VPS28: variants seen among roughly 807,000 people sequenced by gnomAD.
The protein encoded by VPS28 is vacuolar protein sorting-associated protein 28 homolog.
A neutral mutation model predicts 33.7 loss-of-function variants in VPS28; 29 were observed. The ratio of observed to expected loss-of-function variants is 0.86; its 90% CI spans 0.64 to 1.17. VPS28 has a LOEUF of 1.17. Among genes scored for constraint, VPS28 ranks in the 50% most tolerant of loss-of-function variants. VPS28 has a pLI of 0.00. For missense variants in VPS28, 247 were observed against 312.2 expected (o/e 0.79, Z 1.57); for synonymous variants, 164 against 116.7 (o/e 1.40, Z -2.61).
chr8:144,424,841 C>T (rs782678361), intron 6 of VPS28, 22 bp from the exon 7 acceptor site: 28 of 1,613,486 alleles, frequency 1.7e-5, no homozygotes, highest in Non-Finnish European at 2.3e-5. Flanking sequence ...GACATGGGTG[C>T]TGGGGCTCTC....
intron 2 of VPS28, chr8:144,426,568 A>G (rs1822764679): frequency 6.9e-6 from 3 of 432,472 alleles, no homozygotes; most frequent in African/African-American, 4.1e-5. Context: ...AGTCACCTGC[A>G]CAACAGTGGC....
chr8:144,424,527 G>A (rs571622711), intron 7 of VPS28, 191 bp downstream of exon 7: 14 of 799,638 alleles, frequency 1.8e-5, no homozygotes, highest in South Asian at 1.1e-4. Flanking sequence ...TCATCCCCCC[G>A]ACAGGAGTCC....
intron 2 of VPS28, 174 bp from the exon 3 acceptor site, chr8:144,426,382 G>GA (rs1248428992): frequency 2.4e-6 from 2 of 820,248 alleles, no homozygotes; most frequent in Non-Finnish European, 3.6e-6. Flanking sequence ...TGTGTGGGGG[G>GA]ACCTGATGAT....
chr8:144,424,924 G>A (rs782177075), intron 6 of VPS28, 22 bp downstream of exon 6: 21 of 1,601,572 alleles, frequency 1.3e-5, no homozygotes, highest in Middle Eastern at 1.7e-4. Flanking sequence ...GCCCCATGGG[G>A]GTGGAAGGAC....
intron 9 of VPS28, 43 bp downstream of exon 9, chr8:144,423,998 C>T: frequency 1.2e-6 from 2 of 1,607,348 alleles, no homozygotes; most frequent in Non-Finnish European, 1.7e-6. Context: ...CTGGGAGGGT[C>T]TCGGGCACTG....
chr8:144,424,693 A>C (rs782366270), intron 7 of VPS28, 25 bp downstream of exon 7: 22 of 1,606,854 alleles, frequency 1.4e-5, no homozygotes, highest in Non-Finnish European at 1.9e-5. Flanking sequence ...TCTCCTAACC[A>C]CGTGCCCTGG....
chr8:144,426,706 T>C (rs1822776156), intron 2 of VPS28: 2 of 587,262 alleles, frequency 3.4e-6, no homozygotes, highest in African/African-American at 1.9e-5. Flanking sequence ...TCATCATCTC[T>C]GCCCAGCAGG....
chr8:144,427,877 A>G (rs1462420313), intron 1 of VPS28, among the ~76,000 whole-genome samples: 6 of 152,112 alleles, frequency 3.9e-5, no homozygotes, highest in Non-Finnish European at 5.9e-5. Flanking sequence ...TTTTGGCCCA[A>G]TGGGCCGGGC....
At chr8:144,425,171 G>T in intron 5 of VPS28, 120 bp from the exon 6 acceptor site, 1 of 847,256 alleles carries the variant, frequency 1.2e-6, no homozygotes, top group Non-Finnish European at 1.9e-6. Context: ...GGCAAAGGCA[G>T]GCCGAGCAAG....
At position 144,423,982 on chromosome 8, in the gene VPS28, G is replaced by A. The variant is rs149889412; in HGVS notation, c.548+59C>T. On this transcript the variant is annotated intron_variant, in intron 9 of 9. Transcript: ENST00000292510. The stretch of plus-strand genomic sequence containing the variant: ...GGCCTCAGGGGCACTGCGGGGCTCC[G>A]CCTGGCTGGGAGGGTCTCGGGCACT... 467 of 1,609,584 alleles carry A rather than the reference G, an allele frequency of 2.9e-4. 1 individual carries two copies. The African/African-American group carries it at 3.2e-3, about 11-fold the overall frequency.
Position 144,425,712 on chromosome 8 carries a change from G to A in VPS28, c.165C>T (p.Ala55=), listed in dbSNP as rs1279299469. 3.7e-6 allele frequency: 6 copies of A among 1,613,802 alleles called. No homozygotes were observed. In the East Asian group the frequency reaches 8.9e-5, roughly 24 times the overall value. ...VVKTMQALEK[A]YIKDCVSPSE... ...TGGGGGAGACACAGTCCTTGATGTA[G>A]GCCTTCTCCAGGGCTTGCATTGTCT... The change falls in exon 5 of 10, where the codon GCC becomes GCT. Residue 55 remains alanine (A), a synonymous_variant. Transcript: ENST00000292510.
intron 2 of VPS28, 113 bp from the exon 3 acceptor site, chr8:144,426,321 A>C: frequency 1.4e-6 from 2 of 1,381,378 alleles, no homozygotes; most frequent in Non-Finnish European, 1.9e-6. Context: ...CTGGGTCCCA[A>C]AGAGCCCAGA....
intron 4 of VPS28, 77 bp from the exon 5 acceptor site, chr8:144,425,849 G>T: frequency 6.3e-7 from 1 of 1,597,254 alleles, no homozygotes. Flanking sequence ...CCTGCCCGGA[G>T]GTGCCACTGC....
intron 1 of VPS28, among the ~76,000 whole-genome samples, chr8:144,427,575 G>C (rs1554877158): frequency 6.6e-6 from 1 of 152,168 alleles, no homozygotes; most frequent in African/African-American, 2.4e-5. Flanking sequence ...TTGGGGCACA[G>C]GAAACAACAC....
chr8:144,428,095 G>A (rs1299163247), intron 1 of VPS28, among the ~76,000 whole-genome samples: 2 of 152,082 alleles, frequency 1.3e-5, no homozygotes, highest in African/African-American at 2.4e-5. Context: ...AGCCGGGAAA[G>A]GGCGTCGCCG....
intron 9 of VPS28, 32 bp downstream of exon 9, chr8:144,424,009 C>A (rs782137386): frequency 6.2e-7 from 1 of 1,602,302 alleles, no homozygotes; most frequent in Non-Finnish European, 8.5e-7. Flanking sequence ...TCGGGCACTG[C>A]GGGGCTCTGC....
intron 1 of VPS28, among the ~76,000 whole-genome samples, chr8:144,428,105 G>A (rs533459519): frequency 6.6e-6 from 1 of 152,190 alleles, no homozygotes; most frequent in African/African-American, 2.4e-5. Context: ...GGGCGTCGCC[G>A]CTCATGTAGG....
At chr8:144,425,807 G>A in intron 4 of VPS28, 35 bp from the exon 5 acceptor site, 1 of 1,613,026 alleles carries the variant, frequency 6.2e-7, no homozygotes, top group Non-Finnish European at 8.5e-7. Context: ...CCAGGCCCCG[G>A]GGTGCCAAGC....
intron 7 of VPS28, chr8:144,424,509 C>T (rs1564717716): frequency 2.5e-6 from 2 of 786,898 alleles, no homozygotes; most frequent in Non-Finnish European, 4.0e-6. Context: ...CCAGAACGCA[C>T]CCTGTGCTCA....
Sources: allele counts gnomAD v4.1 joint callset (sites outside exome capture counted in the v4.1 genomes callset), GRCh38; gene constraint gnomAD v4.1.1; transcripts MANE v1.5; gene names NCBI Gene and HGNC (gene_info 2026-07-23, HGNC 2026-07-21).